The following TAF4B variants were observed in gnomAD, a reference collection of about 807,000 sequenced individuals.
TAF4B encodes transcription initiation factor TFIID subunit 4B.
Under a neutral mutation model 86.4 loss-of-function variants are expected in TAF4B, and 38 were observed. That is an observed-to-expected ratio of 0.44 (90% confidence interval 0.34 to 0.58). TAF4B has a LOEUF of 0.58. Ranked by LOEUF, TAF4B falls within the 20% of genes least tolerant of loss-of-function variation. The pLI is 0.02. For missense variants in TAF4B, 988 were observed against 1,027.6 expected (o/e 0.96, Z 0.53); for synonymous variants, 388 against 391.2 (o/e 0.99, Z 0.10).
rs11877707 is a variant in TAF4B at position 26,372,555 on chromosome 18, A to G, written c.2421+14761A>G. On this transcript the variant is annotated intron_variant, in intron 14 of 14. Transcript: ENST00000269142. ...CATTACACTCTTACTAACCTACATC[A>G]GGGCTATATTAAGTCTTATGACGTA... Among the ~76,000 whole-genome samples the G allele has an allele frequency of 1.9e-3, 288 of 152,256 alleles. 2 individuals carry two copies. Among genetic ancestry groups the G allele is most frequent in the African/African-American group, 6.8e-3 (282 of 41,528 alleles).
At chr18:26,263,861 G>T (rs2056202988) in intron 1 of TAF4B, among the ~76,000 whole-genome samples, 1 of 152,170 alleles carries the variant, frequency 6.6e-6, no homozygotes, top group Admixed American at 6.5e-5. Context: ...GGGACTACGG[G>T]CTACAGGCAT....
chr18:26,227,232 A>T lies in TAF4B; in HGVS notation c.299A>T (p.Asn100Ile). 6.2e-7 allele frequency: 1 copy of T among 1,613,390 alleles called. No homozygotes were observed. ...APQIVAVKAP[N>I]TTTIQFPANL... ...CAGATAGTCGCCGTGAAAGCCCCCA[A>T]CACCACGACAATCCAGTTTCCTGCT... Residue 100 changes from asparagine to isoleucine, a missense_variant, in exon 1 of 15, where the codon AAC becomes ATC. Around this residue, in one of 3 missense-constraint regions of TAF4B, gnomAD observed 747 missense variants for 737.9 expected, o/e 1.01. Coordinates refer to ENST00000269142, the MANE Select transcript of TAF4B (RefSeq NM_005640.3).
rs1276796383 is a variant in TAF4B, at chr18:26,346,791, ATATATATGTG to A, written c.2317-10891_2317-10882del. ...TATATATATGTGTGTGTATATATATATATATATGTGTATATATATATATATGTGTGTGTAT... is the reference window on the plus strand; with the variant it reads ...TATATATATGTGTGTGTATATATATATATATATATATATATGTGTGTGTAT... On this transcript the variant is annotated intron_variant, in intron 13 of 14. Coordinates refer to ENST00000269142, the MANE Select transcript of TAF4B (RefSeq NM_005640.3). Among the ~76,000 whole-genome samples the A allele has an allele frequency of 7.4e-3, 215 of 29,136 alleles. 2 individuals carry two copies. Among genetic ancestry groups the A allele is most frequent in the African/African-American group, 0.012 (144 of 12,468 alleles). 19.1% of individuals were successfully genotyped at this position (29,136 alleles called of 152,430 possible).
chr18:26,382,726 G>A (rs999787852), intron 14 of TAF4B, among the ~76,000 whole-genome samples: 6 of 152,076 alleles, frequency 3.9e-5, no homozygotes, highest in African/African-American at 1.4e-4. Context: ...CCAAACACAT[G>A]GTTCTCCTAC....
rs199588604 is a variant in TAF4B, at chr18:26,323,596, AAATTCTGTC to A, written c.2133+2400_2133+2408del. On this transcript the variant is annotated intron_variant, in intron 11 of 14. Transcript: ENST00000269142. ...ATGCTGTGGAATTGTTTTTTAAACAAAATTCTGTCAATGTTTGTTTGCTTCATATATTTG... is the reference window on the plus strand; with the variant it reads ...ATGCTGTGGAATTGTTTTTTAAACAAAATGTTTGTTTGCTTCATATATTTG... 6.3e-4 allele frequency among the ~76,000 whole-genome samples: 96 copies of A among 152,168 alleles called. 1 individual carries two copies. In the East Asian group the frequency reaches 9.6e-3, roughly 15 times the overall value.
At chr18:26,233,717 G>A (rs2055706704) in intron 1 of TAF4B, among the ~76,000 whole-genome samples, 1 of 152,174 alleles carries the variant, frequency 6.6e-6, no homozygotes, top group Non-Finnish European at 1.5e-5. Flanking sequence ...CACTTCCTCA[G>A]CCCTCTCTGT....
chr18:26,387,169 A>G lies in TAF4B; in HGVS notation c.2422-2676A>G, dbSNP rs1287571116. Among the ~76,000 whole-genome samples the G allele has an allele frequency of 2.0e-5, 3 of 152,252 alleles. No individual in the cohort carries two copies. The East Asian group carries it at 5.8e-4, about 29-fold the overall frequency. On this transcript the variant is annotated intron_variant, in intron 14 of 14. Coordinates refer to ENST00000269142, the MANE Select transcript of TAF4B (RefSeq NM_005640.3). The stretch of plus-strand genomic sequence containing the variant: ...CAACCTCTGCCTCCCAAGTTCAAGC[A>G]GTTCTTCCACCTCAGTCTCCCGAGT...
In TAF4B at chr18:26,315,159, T is replaced by TCACACACACA. The variant is rs1415957433; in HGVS notation, c.1833-69_1833-68insACACACACAC. 4.2e-4 allele frequency: 128 copies of TCACACACACA among 301,548 alleles called. 1 individual carries two copies. Among genetic ancestry groups the TCACACACACA allele is most frequent in the African/African-American group, 2.1e-3 (64 of 30,618 alleles). The allele number at this position is 301,548 out of a possible 1,614,324, so 18.7% of individuals were successfully genotyped here. A position where few individuals can be genotyped will look rare whatever the true frequency, so the allele number is the denominator to read the frequency against. ...CTCTCTCTCTCTGTCTCTCTCTCTCTCTCACACACACACACACACACACAC... is the reference window on the plus strand; with the variant it reads ...CTCTCTCTCTCTGTCTCTCTCTCTCTCACACACACACTCACACACACACACACACACACAC... On this transcript the variant is annotated intron_variant, in intron 9 of 14. Transcript: ENST00000269142.
At chr18:26,261,131 G>C (rs1473648896) in intron 1 of TAF4B, among the ~76,000 whole-genome samples, 1 of 135,462 alleles carries the variant, frequency 7.4e-6, no homozygotes, top group African/African-American at 2.7e-5. Flanking sequence ...AGCTGCTGAT[G>C]TTACTTTTTA....
At chr18:26,313,482 C>G (rs1020780320) in intron 9 of TAF4B, among the ~76,000 whole-genome samples, 2 of 152,048 alleles carry the variant, frequency 1.3e-5, no homozygotes, top group Non-Finnish European at 2.9e-5. Flanking sequence ...TCTGAGGATA[C>G]CTTTGTGACG....
intron 13 of TAF4B, among the ~76,000 whole-genome samples, chr18:26,355,338 C>T (rs1249306850): frequency 6.6e-6 from 1 of 152,176 alleles, no homozygotes; most frequent in East Asian, 1.9e-4. Context: ...CATCCTGTTT[C>T]CACAGGCAAG....
rs185248825 is a variant in TAF4B, at chr18:26,305,644, T to G, written c.1833-9585T>G. Among the ~76,000 whole-genome samples, 35 of 152,314 alleles carry G rather than the reference T, an allele frequency of 2.3e-4. No homozygotes were observed. The East Asian group carries it at 5.6e-3, about 24-fold the overall frequency. ...CCAGTCTCAAACTCCTGACCTCAGG[T>G]GATCCACCTGCCTCGGCCTCCCAAA... is the stretch of plus-strand genomic sequence containing the variant. On this transcript the variant is annotated intron_variant, in intron 9 of 14. Coordinates refer to ENST00000269142, the MANE Select transcript of TAF4B (RefSeq NM_005640.3).
At chr18:26,315,447 G>T in intron 10 of TAF4B, 49 bp downstream of exon 10, 1 of 1,421,080 alleles carries the variant, frequency 7.0e-7, no homozygotes, top group Non-Finnish European at 9.4e-7. Flanking sequence ...TCTGTTTGAG[G>T]GAAAATATTA....
chr18:26,226,528 T>A lies in TAF4B; in HGVS notation c.-406T>A, dbSNP rs1786117940. ...GGGGGCTGTGGGCACTCGGGGTTCG[T>A]AGTTTTGAAATTTCTGGCGGGGGAG... On this transcript the variant is annotated 5_prime_UTR_variant, in exon 1 of 15. Coordinates refer to ENST00000269142, the MANE Select transcript of TAF4B (RefSeq NM_005640.3). 1 of 157,082 alleles carries A rather than the reference T, an allele frequency of 6.4e-6. No individual in the cohort carries two copies. The highest frequency in any genetic ancestry group is 6.5e-5 in the Admixed American group (1 of 15,384). 9.7% of individuals were successfully genotyped at this position (157,082 alleles called of 1,614,324 possible).
At chr18:26,243,952 C>G (rs2055882011) in intron 1 of TAF4B, among the ~76,000 whole-genome samples, 1 of 152,196 alleles carries the variant, frequency 6.6e-6, no homozygotes, top group African/African-American at 2.4e-5. Context: ...GAAGCTTCGT[C>G]TCAGAGGGGC....
At chr18:26,299,332 CTTA>C (rs1163743149) in intron 9 of TAF4B, among the ~76,000 whole-genome samples, 1 of 152,060 alleles carries the variant, frequency 6.6e-6, no homozygotes, top group Non-Finnish European at 1.5e-5. Context: ...ATTGATTTTT[CTTA>C]TTATTCTAGG....
chr18:26,341,451 T>A (rs551978963), intron 13 of TAF4B, among the ~76,000 whole-genome samples: 3 of 152,136 alleles, frequency 2.0e-5, no homozygotes, highest in Admixed American at 1.3e-4. Context: ...GAAAAAAAAA[T>A]TTTGTAATAT....
intron 12 of TAF4B, among the ~76,000 whole-genome samples, chr18:26,328,482 A>T (rs2057024191): frequency 6.6e-6 from 1 of 151,912 alleles, no homozygotes; most frequent in Non-Finnish European, 1.5e-5. Flanking sequence ...AAACAAAAAA[A>T]CTCCAGAAAA....
chr18:26,238,603 ATTATAC>A (rs2055786716), intron 1 of TAF4B, among the ~76,000 whole-genome samples: 1 of 150,780 alleles, frequency 6.6e-6, no homozygotes, highest in Middle Eastern at 3.2e-3. Context: ...TTTTTTTTAA[ATTATAC>A]TTTAAGTTCT....
Sources: allele counts gnomAD v4.1 joint callset (sites outside exome capture counted in the v4.1 genomes callset), GRCh38; gene constraint gnomAD v4.1.1; regional missense constraint gnomAD v4.1.1; transcripts MANE v1.5; gene names NCBI Gene and HGNC (gene_info 2026-07-23, HGNC 2026-07-21).